CNTNAP5: variants seen among roughly 807,000 people sequenced by gnomAD.
The protein encoded by CNTNAP5 is contactin associated protein family member 5.
In CNTNAP5, 72 loss-of-function variants were observed where a neutral mutation model predicts 150.2. That is an observed-to-expected ratio of 0.48 (90% CI 0.40 to 0.58). CNTNAP5 has a LOEUF of 0.58. Among genes scored for constraint, CNTNAP5 ranks in the 20% least tolerant of loss-of-function variants. The pLI is 0.00. For missense variants in CNTNAP5, 1,636 were observed against 1,626.2 expected (o/e 1.01, Z -0.10); for synonymous variants, 672 against 619.8 (o/e 1.08, Z -1.25).
chr2:124,684,714 G>T (rs1679152534), intron 13 of CNTNAP5, among the ~76,000 whole-genome samples: 1 of 152,284 alleles, frequency 6.6e-6, no homozygotes, highest in East Asian at 1.9e-4. Context: ...ACTCATCATA[G>T]ATAGCTCTTA....
In CNTNAP5 at chr2:124,646,445, G is replaced by T. The variant is rs773711299; in HGVS notation, c.1877-1313G>T. On this transcript the variant is annotated intron_variant, in intron 12 of 23. Coordinates refer to ENST00000682447, the MANE Select transcript of CNTNAP5 (RefSeq NM_001367498.1). ...GGACCTTAGTTTCTCCATTTGTAAGGCTAAGAGGATGGGGAGGGAAGAAAC... is the reference window on the plus strand; with the variant it reads ...GGACCTTAGTTTCTCCATTTGTAAGTCTAAGAGGATGGGGAGGGAAGAAAC... 5.3e-5 allele frequency among the ~76,000 whole-genome samples: 8 copies of T among 152,182 alleles called. No individual in the cohort carries two copies. In the East Asian group the frequency reaches 7.7e-4, roughly 15 times the overall value.
rs1678446096 is a variant in CNTNAP5 at position 124,903,018 on chromosome 2, C to G, written c.3573C>G (p.Val1191=). The change falls in exon 22 of 24, where the codon GTC becomes GTG. Residue 1191 remains valine (V), a synonymous_variant. Transcript: ENST00000682447. ...ATGCCACTGTCGCGCCTGTGACTGT[C>G]CATGGGACCTTGACGGAATCCAGCT... ...LRHATVAPVT[V]HGTLTESSCG... 1 of 1,610,816 alleles carries G rather than the reference C, an allele frequency of 6.2e-7. No homozygotes were observed. The highest frequency in any genetic ancestry group is 1.3e-5 in the African/African-American group (1 of 74,876).
chr2:124,744,320 A>G (rs7597667), intron 13 of CNTNAP5, among the ~76,000 whole-genome samples: 67,566 of 152,008 alleles, frequency 0.44, 15,387 homozygotes, highest in Non-Finnish European at 0.48. Flanking sequence ...GCCTTCCACC[A>G]TGACGGTGAG....
intron 2 of CNTNAP5, among the ~76,000 whole-genome samples, chr2:124,226,291 C>T (rs1686457965): frequency 1.3e-5 from 2 of 152,018 alleles, no homozygotes; most frequent in African/African-American, 4.8e-5. Flanking sequence ...TTATAAAGAG[C>T]CATCCTAACG....
chr2:124,159,705 G>T (rs1010408090), intron 1 of CNTNAP5, among the ~76,000 whole-genome samples: 6 of 152,080 alleles, frequency 3.9e-5, no homozygotes, highest in African/African-American at 1.2e-4. Flanking sequence ...CTCTTCAAGG[G>T]TATAGCTAAA....
chr2:124,485,388 T>G (rs927680856), intron 7 of CNTNAP5, among the ~76,000 whole-genome samples: 1 of 151,250 alleles, frequency 6.6e-6, no homozygotes, highest in Admixed American at 6.6e-5. Flanking sequence ...CCCAGGCGGG[T>G]GGATCACGAG....
chr2:124,312,350 TA>T (rs1217657373), intron 3 of CNTNAP5, among the ~76,000 whole-genome samples: 1 of 152,192 alleles, frequency 6.6e-6, no homozygotes, highest in Non-Finnish European at 1.5e-5. Context: ...TTTTTATTTT[TA>T]TTTTTTATTT....
chr2:124,641,367 T>C (rs2105020333), intron 12 of CNTNAP5, among the ~76,000 whole-genome samples: 1 of 152,096 alleles, frequency 6.6e-6, no homozygotes, highest in Non-Finnish European at 1.5e-5. Context: ...ATGACAAAGC[T>C]CAAGCTTCCC....
At chr2:124,064,782 A>ATG (rs1262519516) in intron 1 of CNTNAP5, among the ~76,000 whole-genome samples, 1 of 152,114 alleles carries the variant, frequency 6.6e-6, no homozygotes, top group Non-Finnish European at 1.5e-5. Flanking sequence ...TTGCTAATGC[A>ATG]TGTGTGTTCT....
intron 1 of CNTNAP5, among the ~76,000 whole-genome samples, chr2:124,221,007 C>T (rs567060776): frequency 6.6e-6 from 1 of 152,162 alleles, no homozygotes; most frequent in African/African-American, 2.4e-5. Flanking sequence ...TTGCTCATGG[C>T]CCCACCCTGT....
chr2:124,405,446 A>T (rs1310608380), intron 3 of CNTNAP5, among the ~76,000 whole-genome samples: 1 of 152,072 alleles, frequency 6.6e-6, no homozygotes, highest in Non-Finnish European at 1.5e-5. Context: ...CAGAAACCGG[A>T]CTCCACTTAT....
chr2:124,627,589 A>G (rs1677755242), intron 12 of CNTNAP5, among the ~76,000 whole-genome samples: 1 of 152,160 alleles, frequency 6.6e-6, no homozygotes. Context: ...TCAAAGGTAG[A>G]TAAATCCATG....
intron 3 of CNTNAP5, among the ~76,000 whole-genome samples, chr2:124,356,297 C>A (rs1430473049): frequency 2.7e-5 from 4 of 149,746 alleles, no homozygotes; most frequent in Non-Finnish European, 5.9e-5. Context: ...ATCCATAGAA[C>A]CTCAACATCT....
intron 1 of CNTNAP5, among the ~76,000 whole-genome samples, chr2:124,189,426 C>T (rs1685409634): frequency 6.6e-6 from 1 of 152,114 alleles, no homozygotes; most frequent in African/African-American, 2.4e-5. Flanking sequence ...ACACACCTAC[C>T]ATGCATTTTA....
intron 3 of CNTNAP5, among the ~76,000 whole-genome samples, chr2:124,362,012 T>C (rs1690218469): frequency 6.6e-6 from 1 of 152,208 alleles, no homozygotes; most frequent in Non-Finnish European, 1.5e-5. Flanking sequence ...AATCTTGTGG[T>C]GCGCCGTTTT....
At chr2:124,497,525 A>G (rs960416299) in intron 7 of CNTNAP5, among the ~76,000 whole-genome samples, 9 of 152,358 alleles carry the variant, frequency 5.9e-5, no homozygotes, top group Non-Finnish European at 1.2e-4. Context: ...AAAGTTTTTC[A>G]TGTACATCAA....
At chr2:124,557,328 TA>T (rs59366701) in intron 10 of CNTNAP5, among the ~76,000 whole-genome samples, 62,258 of 149,880 alleles carry the variant, frequency 0.42, 13,160 homozygotes, top group East Asian at 0.62. Context: ...TCTCACCTCT[TA>T]AAAAAAAAAC....
At chr2:124,492,890 T>A (rs1490227209) in intron 7 of CNTNAP5, among the ~76,000 whole-genome samples, 3 of 152,186 alleles carry the variant, frequency 2.0e-5, no homozygotes, top group Non-Finnish European at 4.4e-5. Context: ...GATTTTTTAA[T>A]ATATAATATC....
At chr2:124,520,992 T>C (rs1430600864) in intron 8 of CNTNAP5, among the ~76,000 whole-genome samples, 71 of 152,202 alleles carry the variant, frequency 4.7e-4, no homozygotes, top group Non-Finnish European at 1.5e-5. Flanking sequence ...GAGGACCAGG[T>C]GAAAGTGGAG....
Sources: allele counts gnomAD v4.1 joint callset (sites outside exome capture counted in the v4.1 genomes callset), GRCh38; gene constraint gnomAD v4.1.1; transcripts MANE v1.5; gene names NCBI Gene and HGNC (gene_info 2026-07-23, HGNC 2026-07-21).